The following FER variants were observed in gnomAD, a reference collection of about 807,000 sequenced individuals.
The protein encoded by FER is tyrosine-protein kinase Fer.
A neutral mutation model predicts 111.0 loss-of-function variants in FER; 63 were observed. The ratio of observed to expected loss-of-function variants is 0.57; its 90% CI spans 0.46 to 0.70. FER has a LOEUF of 0.70. FER is among the 30% of genes least tolerant of loss of function. The probability of loss-of-function intolerance (pLI) is 0.00; values close to 1 mark genes in which losing one functional copy is unlikely to be tolerated. For missense variants in FER, 914 were observed against 954.0 expected, an observed-to-expected ratio of 0.96 and a Z score of 0.55; for synonymous variants, 327 against 313.9, an observed-to-expected ratio of 1.04 and a Z score of -0.44.
In FER at chr5:109,176,678, T is replaced by C. The variant is rs73779056; in HGVS notation, c.2049-4069T>C. On this transcript the variant is annotated intron_variant, in intron 17 of 19. Coordinates refer to ENST00000281092, the MANE Select transcript of FER (RefSeq NM_005246.4). ...TGTTTGAGATGATAGATATGCTCAT[T>C]ACCCTGATTTGATCATTACATATTG... Among the ~76,000 whole-genome samples, 1,300 of 152,350 alleles carry C rather than the reference T, an allele frequency of 8.5e-3. 19 individuals carry two copies. Among genetic ancestry groups the C allele is most frequent in the African/African-American group, 0.03 (1,248 of 41,584 alleles).
chr5:108,877,129 G>C (rs1765167399), intron 8 of FER, among the ~76,000 whole-genome samples: 1 of 151,912 alleles, frequency 6.6e-6, no homozygotes, highest in Non-Finnish European at 1.5e-5. Flanking sequence ...GTATTTAATG[G>C]GGTGTCAAAT....
intron 10 of FER, among the ~76,000 whole-genome samples, chr5:108,930,184 A>G (rs551615198): frequency 6.6e-6 from 1 of 151,764 alleles, no homozygotes; most frequent in South Asian, 2.1e-4. Flanking sequence ...TAACTTAAAA[A>G]AATGTTTTGT....
intron 17 of FER, among the ~76,000 whole-genome samples, chr5:109,173,561 A>G (rs1757357425): frequency 6.6e-6 from 1 of 152,206 alleles, no homozygotes; most frequent in Non-Finnish European, 1.5e-5. Flanking sequence ...GAATTCTCCC[A>G]GTGCCCAAAT....
intron 8 of FER, among the ~76,000 whole-genome samples, chr5:108,879,831 G>A (rs1041496702): frequency 7.3e-5 from 11 of 150,344 alleles, no homozygotes; most frequent in Non-Finnish European, 1.2e-4. Flanking sequence ...TGCCTCAGCC[G>A]CCTGAGTAGC....
intron 13 of FER, among the ~76,000 whole-genome samples, chr5:108,960,697 A>C (rs1372283411): frequency 6.6e-6 from 1 of 152,108 alleles, no homozygotes; most frequent in Non-Finnish European, 1.5e-5. Flanking sequence ...GCAAATTTAT[A>C]TTTATAACTC....
intron 13 of FER, among the ~76,000 whole-genome samples, chr5:109,029,425 CTTTTTTT>C (rs757282669): frequency 9.6e-5 from 5 of 52,202 alleles, no homozygotes; most frequent in Admixed American, 2.5e-4. Context: ...ATTCATTGTT[CTTTTTTT>C]TTTTTTTTTT....
At chr5:108,784,732 T>A (rs546622701) in intron 2 of FER, among the ~76,000 whole-genome samples, 9 of 152,306 alleles carry the variant, frequency 5.9e-5, no homozygotes, top group African/African-American at 2.2e-4. Flanking sequence ...AACAAAGGGA[T>A]GGGCTGAAAC....
chr5:109,063,825 A>G (rs1774747836), intron 16 of FER, among the ~76,000 whole-genome samples: 1 of 152,154 alleles, frequency 6.6e-6, no homozygotes, highest in African/African-American at 2.4e-5. Context: ...AATGCATGCA[A>G]TTATAGATTA....
At chr5:109,125,432 T>G (rs1751588227) in intron 17 of FER, among the ~76,000 whole-genome samples, 1 of 152,220 alleles carries the variant, frequency 6.6e-6, no homozygotes, top group African/African-American at 2.4e-5. Context: ...TAAAAGTGTC[T>G]TATATTCAAA....
chr5:109,147,629 A>C (rs991608753), intron 17 of FER, among the ~76,000 whole-genome samples: 2 of 152,030 alleles, frequency 1.3e-5, no homozygotes, highest in African/African-American at 4.8e-5. Flanking sequence ...CCATAAGAAA[A>C]TTTGTTGGCA....
intron 13 of FER, among the ~76,000 whole-genome samples, chr5:109,008,618 CT>C (rs542684951): frequency 2.2e-3 from 331 of 152,254 alleles, no homozygotes; most frequent in African/African-American, 7.5e-3. Context: ...ATCATTTTCT[CT>C]GCTTTAAAAA....
In FER at chr5:108,912,291, T is replaced by G. The variant is rs1751662474; in HGVS notation, c.1236+14443T>G. On this transcript the variant is annotated intron_variant, in intron 10 of 19. Transcript: ENST00000281092. ...TGCCTCCAGATTTGTTGTTTTTGCTTAGGATTAAACAACAAATTTCTTTAA... is the reference window on the plus strand; with the variant it reads ...TGCCTCCAGATTTGTTGTTTTTGCTGAGGATTAAACAACAAATTTCTTTAA... 2.0e-5 allele frequency among the ~76,000 whole-genome samples: 3 copies of G among 152,196 alleles called. No individual in the cohort carries two copies. In the South Asian group the frequency reaches 6.2e-4, roughly 32 times the overall value.
intron 16 of FER, among the ~76,000 whole-genome samples, chr5:109,074,210 T>C (rs1290019984): frequency 6.6e-6 from 1 of 152,180 alleles, no homozygotes. Flanking sequence ...ATCCTCAGTT[T>C]ACAAATAAGG....
chr5:109,183,997 T>TA (rs199518969), intron 18 of FER, among the ~76,000 whole-genome samples: 3,569 of 152,202 alleles, frequency 0.023, 65 homozygotes, highest in East Asian at 0.075. Flanking sequence ...CTCATATACT[T>TA]TAAAAAAAAA....
intron 13 of FER, among the ~76,000 whole-genome samples, chr5:108,995,012 T>G (rs1763806290): frequency 2.0e-5 from 3 of 152,170 alleles, no homozygotes; most frequent in African/African-American, 4.8e-5. Flanking sequence ...GATTTGGGGC[T>G]GAGACTATTG....
rs938464371 is a variant in FER at position 108,948,832 on chromosome 5, C to T, written c.1329+2610C>T. Among the ~76,000 whole-genome samples, 9 of 151,932 alleles carry T rather than the reference C, an allele frequency of 5.9e-5. No individual in the cohort carries two copies. In the East Asian group the frequency reaches 7.7e-4, roughly 13 times the overall value. On this transcript the variant is annotated intron_variant, in intron 11 of 19. Transcript: ENST00000281092. ...ACTGATATATGGAGTGAATAATGCC[C>T]GTCTGATAGTAGCAGTCTTTGAAAA...
chr5:109,091,292 A>G lies in FER; in HGVS notation c.1925-9104A>G, dbSNP rs936483892. ...TTTTCCAGGGATGCTTCAAGTTTCT[A>G]ATCCTTGCATCCTGGTGTAGTGTTC... On this transcript the variant is annotated intron_variant, in intron 16 of 19. Transcript: ENST00000281092. 3.9e-5 allele frequency among the ~76,000 whole-genome samples: 6 copies of G among 152,180 alleles called. 1 individual carries two copies. The highest frequency in any genetic ancestry group is 5.9e-5 in the Non-Finnish European group (4 of 68,036).
At chr5:108,873,068 G>A (rs979512767) in intron 8 of FER, among the ~76,000 whole-genome samples, 37 of 152,040 alleles carry the variant, frequency 2.4e-4, no homozygotes, top group African/African-American at 7.5e-4. Context: ...GTGGTGGTAC[G>A]GGTAATTAGC....
chr5:108,909,545 A>G (rs764175786), intron 10 of FER, among the ~76,000 whole-genome samples: 1 of 152,158 alleles, frequency 6.6e-6, no homozygotes, highest in Non-Finnish European at 1.5e-5. Flanking sequence ...TTACACTTCT[A>G]TTCTATATTT....
Sources: allele counts gnomAD v4.1 joint callset (sites outside exome capture counted in the v4.1 genomes callset), GRCh38; gene constraint gnomAD v4.1.1; transcripts MANE v1.5; gene names NCBI Gene and HGNC (gene_info 2026-07-23, HGNC 2026-07-21).